CD46: variants seen among roughly 807,000 people sequenced by gnomAD.
The protein encoded by CD46 is CD46 molecule.
Under a neutral mutation model 53.3 loss-of-function variants are expected in CD46, and 30 were observed. The observed-to-expected ratio is 0.56, with a 90% CI of 0.42 to 0.76. The LOEUF is 0.76. Ranked by LOEUF, CD46 falls within the 30% of genes least tolerant of loss-of-function variation. The probability of loss-of-function intolerance (pLI) is 0.00; values close to 1 mark genes in which losing one functional copy is unlikely to be tolerated. For missense variants in CD46, 409 were observed against 463.0 expected (o/e 0.88, Z 1.07); for synonymous variants, 142 against 152.0 (o/e 0.93, Z 0.48).
chr1:207,761,820 G>A (rs1466651286), intron 5 of CD46, among the ~76,000 whole-genome samples: 6 of 151,692 alleles, frequency 4.0e-5, no homozygotes, highest in Admixed American at 1.3e-4. Context: ...CAGACTAATC[G>A]TCTCACAAAT....
chr1:207,762,061 T>C (rs1272454847), intron 5 of CD46, among the ~76,000 whole-genome samples: 2 of 152,068 alleles, frequency 1.3e-5, no homozygotes, highest in African/African-American at 2.4e-5. Flanking sequence ...CTTCAGAAAA[T>C]TGAAATCATT....
chr1:207,757,322 A>G, intron 2 of CD46, 120 bp downstream of exon 2: 1 of 1,018,738 alleles, frequency 9.8e-7, no homozygotes, highest in African/African-American at 1.6e-5. Context: ...TCAAGATAAC[A>G]ATGCATTTTT....
At position 207,785,101 on chromosome 1, in the gene CD46, C is replaced by T. The variant is rs35366573; in HGVS notation, c.1013C>T (p.Ala338Val). 0.017 allele frequency: 27,777 copies of T among 1,610,994 alleles called. 392 individuals carry two copies. The highest frequency in any genetic ancestry group is 0.019 in the Non-Finnish European group (22,723 of 1,177,336). The change falls in exon 10 of 13, where the codon GCC becomes GTC. Residue 338 changes from alanine (A) to valine (V), a missense_variant. Coordinates refer to ENST00000367042, the MANE Select transcript of CD46 (RefSeq NM_172351.3). ...DVWVIAVIVIAIVVGVAVICV... is the reference protein window; with the variant it reads ...DVWVIAVIVIVIVVGVAVICV... ...TGGGTCATTGCTGTGATTGTTATTG[C>T]CATAGGTAAGTATCACAAATTTTGA...
intron 12 of CD46, among the ~76,000 whole-genome samples, chr1:207,793,056 T>C (rs909705351): frequency 3.3e-5 from 5 of 152,334 alleles, no homozygotes; most frequent in Middle Eastern, 3.4e-3. Flanking sequence ...ACGTAAACTT[T>C]AGTTATTTAG....
At chr1:207,766,818 TG>T (rs1216192311) in intron 5 of CD46, among the ~76,000 whole-genome samples, 194 bp from the exon 6 acceptor site, 3 of 152,142 alleles carry the variant, frequency 2.0e-5, no homozygotes, top group African/African-American at 7.2e-5. Context: ...CTGTTAGTGC[TG>T]AAAGAAAAAT....
chr1:207,781,819 T>C (rs956013491), intron 8 of CD46, among the ~76,000 whole-genome samples: 1 of 152,218 alleles, frequency 6.6e-6, no homozygotes, highest in Non-Finnish European at 1.5e-5. Flanking sequence ...TTTTGATTAT[T>C]ATAGTTTTGG....
chr1:207,769,853 C>A, intron 7 of CD46: 2 of 165,408 alleles, frequency 1.2e-5, no homozygotes, highest in Non-Finnish European at 2.6e-5. Flanking sequence ...ACCTCCGCCT[C>A]CCGGGTTCAA....
At chr1:207,765,191 A>G (rs559635535) in intron 5 of CD46, among the ~76,000 whole-genome samples, 1 of 152,358 alleles carries the variant, frequency 6.6e-6, no homozygotes, top group African/African-American at 2.4e-5. Context: ...TTAAGGAGAA[A>G]AAAAATCATG....
intron 4 of CD46, chr1:207,759,937 C>T (rs752969825): frequency 1.1e-5 from 5 of 452,546 alleles, no homozygotes; most frequent in Non-Finnish European, 1.2e-5. Flanking sequence ...TCCTAAGACA[C>T]GGTCTCAGGC....
At chr1:207,760,500 C>T (rs1417694796) in intron 4 of CD46, 1 of 152,158 alleles carries the variant, frequency 6.6e-6, no homozygotes, top group Non-Finnish European at 1.5e-5. Flanking sequence ...TCTTAACTAG[C>T]ACCGAGTTAA....
At chr1:207,788,252 C>G (rs750637666) in intron 11 of CD46, among the ~76,000 whole-genome samples, 1 of 151,790 alleles carries the variant, frequency 6.6e-6, no homozygotes, top group Non-Finnish European at 1.5e-5. Flanking sequence ...CCTGGTGGCT[C>G]ACGCCTGTAA....
At chr1:207,776,511 A>AT (rs1658125208) in intron 8 of CD46, among the ~76,000 whole-genome samples, 1 of 152,222 alleles carries the variant, frequency 6.6e-6, no homozygotes, top group African/African-American at 2.4e-5. Context: ...TTTACTTAAA[A>AT]TTTTTTTAAA....
At chr1:207,786,301 G>C (rs529264267) in intron 11 of CD46, among the ~76,000 whole-genome samples, 4 of 152,218 alleles carry the variant, frequency 2.6e-5, no homozygotes, top group African/African-American at 9.6e-5. Context: ...AGTTAAAATT[G>C]CTGAGAGGGG....
intron 1 of CD46, among the ~76,000 whole-genome samples, chr1:207,754,243 G>A (rs1655254901): frequency 6.6e-6 from 1 of 152,158 alleles, no homozygotes; most frequent in Non-Finnish European, 1.5e-5. Context: ...TCATCAAACA[G>A]ACTTTGGGGC....
intron 1 of CD46, among the ~76,000 whole-genome samples, chr1:207,756,720 G>A (rs1196931856): frequency 1.3e-5 from 2 of 152,078 alleles, no homozygotes; most frequent in Non-Finnish European, 2.9e-5. Flanking sequence ...AAAAATGTGG[G>A]GAAAGATGCA....
At chr1:207,769,465 G>C (rs1657229867) in intron 7 of CD46, 1 of 152,124 alleles carries the variant, frequency 6.6e-6, no homozygotes, top group Non-Finnish European at 1.5e-5. Flanking sequence ...CTAATACTAC[G>C]TTTGTTGATA....
intron 1 of CD46, 107 bp from the exon 2 acceptor site, chr1:207,756,907 A>C: frequency 1.2e-6 from 1 of 864,816 alleles, no homozygotes; most frequent in Non-Finnish European, 1.9e-6. Flanking sequence ...AAATCTTGCC[A>C]AGGGCCTTTC....
chr1:207,785,830 T>C, intron 11 of CD46, 148 bp downstream of exon 11: 1 of 637,654 alleles, frequency 1.6e-6, no homozygotes, highest in East Asian at 2.7e-5. Context: ...CCAATTGCAT[T>C]TCTTTGCTAA....
At chr1:207,782,820 G>GTT (rs35223061) in intron 8 of CD46, among the ~76,000 whole-genome samples, 100 of 133,838 alleles carry the variant, frequency 7.5e-4, no homozygotes, top group East Asian at 2.4e-3. Context: ...GCTAATTTTT[G>GTT]TTTTTTTTTT....
Sources: allele counts gnomAD v4.1 joint callset (sites outside exome capture counted in the v4.1 genomes callset), GRCh38; gene constraint gnomAD v4.1.1; transcripts MANE v1.5; gene names NCBI Gene and HGNC (gene_info 2026-07-23, HGNC 2026-07-21).